The following CAMK4 variants were observed in gnomAD, a reference collection of about 807,000 sequenced individuals.
CAMK4 encodes calcium/calmodulin-dependent protein kinase type IV.
A neutral mutation model predicts 44.9 loss-of-function variants in CAMK4; 22 were observed. That is an observed-to-expected ratio of 0.49 (90% CI 0.35 to 0.70). The LOEUF (loss-of-function observed/expected upper bound fraction) is 0.70. Among genes scored for constraint, CAMK4 ranks in the 30% least tolerant of loss-of-function variants. The pLI is 0.01. For missense variants in CAMK4, 498 were observed against 586.8 expected (o/e 0.85, Z 1.56); for synonymous variants, 218 against 215.4 (o/e 1.01, Z -0.11).
chr5:111,487,475 T>C lies in CAMK4; in HGVS notation c.*3009T>C, dbSNP rs571439955. On this transcript the variant is annotated 3_prime_UTR_variant, in exon 11 of 11. Coordinates refer to ENST00000282356, the MANE Select transcript of CAMK4 (RefSeq NM_001744.6). ...AGAATAATATCGTGGTAGAAGTTAA[T>C]TGTCCAGAACAAGTGCATTATATAA... 81 of 152,290 alleles carry C rather than the reference T, an allele frequency of 5.3e-4. No individual in the cohort carries two copies. The highest frequency in any genetic ancestry group is 4.2e-3 in the Admixed American group (64 of 15,296). The allele number at this position is 152,290 out of a possible 1,614,324, so 9.4% of individuals were successfully genotyped here.
At chr5:111,471,438 T>C (rs1335807965) in intron 7 of CAMK4, among the ~76,000 whole-genome samples, 1 of 152,236 alleles carries the variant, frequency 6.6e-6, no homozygotes, top group Non-Finnish European at 1.5e-5. Context: ...TGTATACTGT[T>C]AATTTCTTTA....
chr5:111,324,098 C>A (rs1021690989), intron 1 of CAMK4, among the ~76,000 whole-genome samples: 2 of 151,514 alleles, frequency 1.3e-5, no homozygotes, highest in Non-Finnish European at 2.9e-5. Context: ...CCTTAAAGAC[C>A]AAGAGAATTG....
intron 2 of CAMK4, among the ~76,000 whole-genome samples, chr5:111,354,445 C>A (rs375217001): frequency 2.8e-3 from 348 of 124,882 alleles, no homozygotes; most frequent in Non-Finnish European, 2.8e-3. Context: ...ATTCTCACCA[C>A]AAAAAAAAAA....
At chr5:111,464,492 G>C (rs1041316509) in intron 7 of CAMK4, among the ~76,000 whole-genome samples, 3 of 152,010 alleles carry the variant, frequency 2.0e-5, no homozygotes, top group African/African-American at 7.2e-5. Flanking sequence ...AAGAATACCT[G>C]GGAAATTTAT....
At chr5:111,386,524 T>C (rs1010251812) in intron 4 of CAMK4, among the ~76,000 whole-genome samples, 4 of 152,236 alleles carry the variant, frequency 2.6e-5, no homozygotes, top group African/African-American at 9.6e-5. Context: ...CTTCAGCTGC[T>C]GTGCGCGTGT....
chr5:111,367,107 T>C (rs1013062904), intron 2 of CAMK4, among the ~76,000 whole-genome samples: 2 of 150,690 alleles, frequency 1.3e-5, no homozygotes, highest in Non-Finnish European at 2.9e-5. Context: ...TCAATTTAGT[T>C]TACCTGGTGT....
At chr5:111,235,692 T>C (rs1222376245) in intron 1 of CAMK4, among the ~76,000 whole-genome samples, 5 of 152,240 alleles carry the variant, frequency 3.3e-5, no homozygotes, top group Admixed American at 3.3e-4. Context: ...CTTTAAAATA[T>C]TGACCTACTG....
intron 1 of CAMK4, among the ~76,000 whole-genome samples, chr5:111,275,180 A>G (rs1561379110): frequency 6.6e-6 from 1 of 152,132 alleles, no homozygotes; most frequent in Non-Finnish European, 1.5e-5. Context: ...TATACAATAC[A>G]TTACTATTAA....
At chr5:111,349,950 T>C (rs1215070251) in intron 2 of CAMK4, among the ~76,000 whole-genome samples, 1 of 151,994 alleles carries the variant, frequency 6.6e-6, no homozygotes, top group Non-Finnish European at 1.5e-5. Flanking sequence ...AAATACCTAG[T>C]ATTGAGTCTG....
chr5:111,394,243 A>G (rs1028782698), intron 4 of CAMK4, among the ~76,000 whole-genome samples: 1 of 152,178 alleles, frequency 6.6e-6, no homozygotes, highest in African/African-American at 2.4e-5. Flanking sequence ...AGGGTCCTTT[A>G]TCTTTTAGAG....
At chr5:111,362,860 C>A (rs992294394) in intron 2 of CAMK4, among the ~76,000 whole-genome samples, 2 of 152,062 alleles carry the variant, frequency 1.3e-5, no homozygotes, top group Non-Finnish European at 2.9e-5. Context: ...TTTCTGCTTA[C>A]CAAGGATATC....
intron 5 of CAMK4, among the ~76,000 whole-genome samples, chr5:111,401,092 G>T (rs1407413951): frequency 1.3e-5 from 2 of 152,164 alleles, no homozygotes; most frequent in East Asian, 1.9e-4. Flanking sequence ...GGAGCCTAGA[G>T]AAATTTGTAC....
chr5:111,388,656 CT>C (rs1163368569), intron 4 of CAMK4, among the ~76,000 whole-genome samples: 8 of 152,180 alleles, frequency 5.3e-5, no homozygotes, highest in African/African-American at 1.9e-4. Flanking sequence ...ATTTAGCACA[CT>C]GTGTTGAATG....
At chr5:111,481,703 A>G (rs965256331) in intron 9 of CAMK4, among the ~76,000 whole-genome samples, 2 of 152,150 alleles carry the variant, frequency 1.3e-5, no homozygotes, top group South Asian at 2.1e-4. Flanking sequence ...GCGCTCTGAC[A>G]TACACAGACC....
intron 5 of CAMK4, among the ~76,000 whole-genome samples, chr5:111,397,407 T>C (rs1329120482): frequency 6.6e-6 from 1 of 152,190 alleles, no homozygotes; most frequent in Non-Finnish European, 1.5e-5. Context: ...TATTAGATGT[T>C]GTAGATGTAT....
At chr5:111,321,151 A>T (rs1315604024) in intron 1 of CAMK4, among the ~76,000 whole-genome samples, 2 of 152,068 alleles carry the variant, frequency 1.3e-5, no homozygotes, top group African/African-American at 4.8e-5. Flanking sequence ...TGTTCATGAG[A>T]TTAGAGGAGG....
chr5:111,410,476 C>T (rs1752593820), intron 5 of CAMK4, among the ~76,000 whole-genome samples: 1 of 152,070 alleles, frequency 6.6e-6, no homozygotes, highest in Non-Finnish European at 1.5e-5. Flanking sequence ...CACAGCCAAG[C>T]CATATCAGAT....
chr5:111,326,191 T>A (rs1748881217), intron 1 of CAMK4, among the ~76,000 whole-genome samples: 2 of 151,762 alleles, frequency 1.3e-5, no homozygotes, highest in South Asian at 4.2e-4. Context: ...ACATGATTAA[T>A]GAAATTTACA....
At chr5:111,420,670 A>G (rs964234921) in intron 5 of CAMK4, among the ~76,000 whole-genome samples, 12 of 152,312 alleles carry the variant, frequency 7.9e-5, no homozygotes, top group Non-Finnish European at 1.5e-4. Flanking sequence ...TTATAGGCCT[A>G]TACCTCTAGG....
Sources: gnomAD v4.1 joint callset for allele counts (sites outside exome capture counted in the v4.1 genomes callset) on GRCh38, gnomAD v4.1.1 for gene constraint, MANE v1.5 for transcripts, NCBI Gene and HGNC (gene_info 2026-07-23, HGNC 2026-07-21) for gene names.